The following SASH1 variants were observed in gnomAD, a reference collection of about 807,000 sequenced individuals.
The protein encoded by SASH1 is SAM and SH3 domain containing 1.
Under a neutral mutation model 125.2 loss-of-function variants are expected in SASH1, and 44 were observed. The ratio of observed to expected loss-of-function variants is 0.35; its 90% CI spans 0.28 to 0.45. The LOEUF is 0.45. SASH1 is among the 20% of genes least tolerant of loss of function. The probability of loss-of-function intolerance (pLI) is 1.00; values close to 1 mark genes in which losing one functional copy is unlikely to be tolerated. For synonymous variants in SASH1, 639 were observed against 649.1 expected (o/e 0.98, Z 0.24); for missense variants, 1,426 against 1,614.5 (o/e 0.88, Z 2.00).
At chr6:148,369,966 C>A (rs13437480) in intron 1 of SASH1, among the ~76,000 whole-genome samples, 1,730 of 93,394 alleles carry the variant, frequency 0.019, 3 homozygotes, top group Middle Eastern at 0.061. Context: ...AAAAGAAAAA[C>A]AAAAAAAAAA....
At chr6:148,372,304 A>T (rs1209112710) in intron 1 of SASH1, among the ~76,000 whole-genome samples, 3 of 152,346 alleles carry the variant, frequency 2.0e-5, no homozygotes, top group South Asian at 4.1e-4. Flanking sequence ...TCTCACATAT[A>T]TAAAACTAAT....
At chr6:148,302,662 T>TAC (rs749409477) in intron 1 of SASH1, among the ~76,000 whole-genome samples, 54 of 66,824 alleles carry the variant, frequency 8.1e-4, no homozygotes, top group African/African-American at 2.8e-3. Context: ...TGTATATATA[T>TAC]ACACACACAC....
chr6:148,322,773 T>G (rs1358163135), intron 1 of SASH1, among the ~76,000 whole-genome samples: 1 of 152,218 alleles, frequency 6.6e-6, no homozygotes, highest in African/African-American at 2.4e-5. Flanking sequence ...TTCTTCATTC[T>G]TTTGACTCTG....
intron 1 of SASH1, among the ~76,000 whole-genome samples, chr6:148,282,254 G>C (rs1779361775): frequency 6.6e-6 from 1 of 152,160 alleles, no homozygotes; most frequent in African/African-American, 2.4e-5. Flanking sequence ...CTTTACTCTG[G>C]GTCTCCCCAT....
At chr6:148,485,808 C>T (rs1238919946) in intron 7 of SASH1, among the ~76,000 whole-genome samples, 1 of 152,200 alleles carries the variant, frequency 6.6e-6, no homozygotes. Flanking sequence ...AGCTCCAGGG[C>T]TTCGGGATTG....
At chr6:148,290,562 T>C (rs530908435) in intron 1 of SASH1, among the ~76,000 whole-genome samples, 5 of 152,148 alleles carry the variant, frequency 3.3e-5, no homozygotes, top group South Asian at 4.2e-4. Flanking sequence ...GCCAAGATCG[T>C]GCCACTGCAC....
chr6:148,287,713 AT>A (rs1322450608), intron 1 of SASH1, among the ~76,000 whole-genome samples: 1 of 149,160 alleles, frequency 6.7e-6, no homozygotes, highest in African/African-American at 2.5e-5. Flanking sequence ...GGGGGGTGGT[AT>A]TCCTCTGTTG....
chr6:148,474,924 A>G (rs923644182), intron 7 of SASH1, among the ~76,000 whole-genome samples: 1 of 152,226 alleles, frequency 6.6e-6, no homozygotes, highest in African/African-American at 2.4e-5. Context: ...TGAATAATCT[A>G]AAGGTTATAC....
chr6:148,299,711 G>C (rs1779883987), intron 1 of SASH1, among the ~76,000 whole-genome samples: 1 of 150,036 alleles, frequency 6.7e-6, no homozygotes. Context: ...TCTGGGGTTT[G>C]ATGGCTGAAA....
chr6:148,446,774 C>T lies in SASH1; in HGVS notation c.386+6367C>T, dbSNP rs1307640304. Among the ~76,000 whole-genome samples the T allele has an allele frequency of 2.6e-5, 4 of 152,138 alleles. No individual in the cohort carries two copies. The East Asian group carries it at 5.8e-4, about 22-fold the overall frequency. ...TGACTCACTTAATACAAAAATCCTA[C>T]GAGATGACAAATGGTATGATTCCCA... On this transcript the variant is annotated intron_variant, in intron 4 of 19. Coordinates refer to ENST00000367467, the MANE Select transcript of SASH1 (RefSeq NM_015278.5).
chr6:148,330,270 T>C (rs1780953525), intron 1 of SASH1, among the ~76,000 whole-genome samples: 3 of 152,352 alleles, frequency 2.0e-5, no homozygotes, highest in African/African-American at 7.2e-5. Flanking sequence ...TGATCCTCTG[T>C]TTCCTGGGAT....
chr6:148,513,515 G>T, intron 8 of SASH1: 1 of 985,480 alleles, frequency 1.0e-6, no homozygotes, highest in Non-Finnish European at 1.2e-6. Context: ...ACAAGGGAAG[G>T]ATTGTTTTTA....
intron 17 of SASH1, among the ~76,000 whole-genome samples, chr6:148,542,170 T>C (rs1279243573): frequency 6.6e-6 from 1 of 152,170 alleles, no homozygotes; most frequent in Non-Finnish European, 1.5e-5. Flanking sequence ...GAACCATACT[T>C]TGAACTCAAA....
intron 8 of SASH1, among the ~76,000 whole-genome samples, chr6:148,497,413 C>T (rs181079502): frequency 6.6e-6 from 1 of 152,348 alleles, no homozygotes; most frequent in East Asian, 1.9e-4. Context: ...GCTGTTGCCT[C>T]TACTAGGCCC....
intron 4 of SASH1, among the ~76,000 whole-genome samples, chr6:148,454,119 C>T (rs796621604): frequency 2.6e-5 from 4 of 152,220 alleles, no homozygotes; most frequent in Middle Eastern, 3.4e-3. Flanking sequence ...CGTCTCCAAG[C>T]GAGGCTTCAG....
Position 148,281,887 on chromosome 6 carries a change from A to C in SASH1, n.74+9510A>C, listed in dbSNP as rs113529838. ...CAGTGAGCCAAGATTGCACCACTGC[A>C]CTCCAGCCTGGGCGACAGAGCGAGA... On this transcript the variant is annotated intron_variant and non_coding_transcript_variant, in intron 1 of 3. Coordinates refer to the SASH1 transcript ENST00000367469. Among the ~76,000 whole-genome samples the C allele has an allele frequency of 2.9e-3, 433 of 151,454 alleles. 2 individuals carry two copies. The highest frequency in any genetic ancestry group is 8.9e-3 in the African/African-American group (368 of 41,282).
At position 148,325,152 on chromosome 6, in the gene SASH1, T is replaced by A. The variant is rs981414524; in HGVS notation, n.74+52775T>A. ...TAACTGGCTCACAGTTCTGCATGGC[T>A]GGGGAGGCTCAGAAAACTTACAATC... is the stretch of plus-strand genomic sequence containing the variant. On this transcript the variant is annotated intron_variant and non_coding_transcript_variant, in intron 1 of 3. Transcript: ENST00000367469. 3.3e-5 allele frequency among the ~76,000 whole-genome samples: 5 copies of A among 152,152 alleles called. No homozygotes were observed. The South Asian group carries it at 1.0e-3, about 32-fold the overall frequency.
At chr6:148,254,021 C>T in the SASH1 span, among the ~76,000 whole-genome samples, 1 of 152,122 alleles carries the variant, frequency 6.6e-6, no homozygotes, top group Admixed American at 6.5e-5. Context: ...GCCTGGACAA[C>T]ATGGTGGAAC....
intron 2 of SASH1, among the ~76,000 whole-genome samples, chr6:148,405,262 G>A (rs1159187577): frequency 6.6e-6 from 1 of 152,026 alleles, no homozygotes; most frequent in African/African-American, 2.4e-5. Context: ...ATGTGCCAGT[G>A]AGAATATTAG....
Sources: allele counts gnomAD v4.1 joint callset (sites outside exome capture counted in the v4.1 genomes callset), GRCh38; gene constraint gnomAD v4.1.1; transcripts MANE v1.5; gene names NCBI Gene and HGNC (gene_info 2026-07-23, HGNC 2026-07-21).